The following LRRC7 variants were observed in gnomAD, a reference collection of about 807,000 sequenced individuals.
The protein encoded by LRRC7 is leucine rich repeat containing 7.
In LRRC7, 23 loss-of-function variants were observed where a neutral mutation model predicts 175.7. The observed-to-expected ratio is 0.13, with a 90% CI of 0.09 to 0.19. LRRC7 has a LOEUF of 0.19. LRRC7 is among the 10% of genes least tolerant of loss of function. LRRC7 has a pLI of 1.00. For missense variants in LRRC7, 1,354 were observed against 1,904.7 expected, an observed-to-expected ratio of 0.71 and a Z score of 5.38; for synonymous variants, 685 against 680.9, an observed-to-expected ratio of 1.01 and a Z score of -0.09.
intron 26 of LRRC7, among the ~76,000 whole-genome samples, chr1:70,117,561 G>C (rs1203989683): frequency 6.6e-6 from 1 of 152,052 alleles, no homozygotes; most frequent in East Asian, 1.9e-4. Context: ...TTGTGGCACA[G>C]AAGATATCAA....
chr1:69,785,196 A>G (rs2101039956), intron 3 of LRRC7, among the ~76,000 whole-genome samples: 1 of 152,220 alleles, frequency 6.6e-6, no homozygotes, highest in East Asian at 1.9e-4. Flanking sequence ...AAGATCCATC[A>G]AATGTTCCTT....
At chr1:70,072,841 T>G (rs1293218839) in intron 23 of LRRC7, among the ~76,000 whole-genome samples, 2 of 152,246 alleles carry the variant, frequency 1.3e-5, no homozygotes, top group Non-Finnish European at 2.9e-5. Context: ...ATTAAAGAGC[T>G]GCTAAAGAAA....
chr1:69,760,161 T>G, intron 2 of LRRC7, 30 bp from the exon 3 acceptor site: 1 of 1,604,304 alleles, frequency 6.2e-7, no homozygotes, highest in South Asian at 1.1e-5. Context: ...ATAAGCTGTT[T>G]TGTTTTGTTT....
intron 7 of LRRC7, among the ~76,000 whole-genome samples, chr1:69,866,649 A>G (rs1271018619): frequency 6.6e-6 from 1 of 152,214 alleles, no homozygotes; most frequent in Non-Finnish European, 1.5e-5. Context: ...AATAATAAAA[A>G]TCATAGCAAT....
intron 7 of LRRC7, among the ~76,000 whole-genome samples, chr1:69,859,288 G>A (rs1684100887): frequency 6.6e-6 from 1 of 152,132 alleles, no homozygotes; most frequent in Non-Finnish European, 1.5e-5. Context: ...CAAGTAGAAT[G>A]AAGACTAATT....
At chr1:69,581,920 G>T (rs539092292) in intron 1 of LRRC7, among the ~76,000 whole-genome samples, 1 of 152,254 alleles carries the variant, frequency 6.6e-6, no homozygotes, top group Non-Finnish European at 1.5e-5. Context: ...CATTGATAGT[G>T]TTTGTTTTAA....
At chr1:69,974,009 T>C (rs960548010) in intron 8 of LRRC7, among the ~76,000 whole-genome samples, 2 of 152,232 alleles carry the variant, frequency 1.3e-5, no homozygotes, top group African/African-American at 4.8e-5. Context: ...AAATTACTTC[T>C]TTGAATTTGG....
intron 7 of LRRC7, among the ~76,000 whole-genome samples, chr1:69,893,526 C>A (rs1205688857): frequency 6.6e-6 from 1 of 151,810 alleles, no homozygotes; most frequent in African/African-American, 2.4e-5. Flanking sequence ...ATATTTTTTT[C>A]TTGAAAAAGT....
intron 18 of LRRC7, chr1:70,030,990 A>G (rs1364715580): frequency 6.6e-6 from 1 of 152,226 alleles, no homozygotes; most frequent in African/African-American, 2.4e-5. Flanking sequence ...TTATATGGCT[A>G]GCACTTCCTC....
At chr1:69,664,387 G>A (rs193232619) in intron 1 of LRRC7, among the ~76,000 whole-genome samples, 27 of 152,254 alleles carry the variant, frequency 1.8e-4, no homozygotes, top group African/African-American at 6.3e-4. Flanking sequence ...CTTCCAAACT[G>A]TTCTCCATAG....
intron 4 of LRRC7, among the ~76,000 whole-genome samples, chr1:69,793,376 C>T (rs1305027662): frequency 4.6e-5 from 7 of 152,062 alleles, no homozygotes; most frequent in African/African-American, 1.7e-4. Flanking sequence ...TTGTGAAAGG[C>T]CATCAGAAAA....
intron 8 of LRRC7, among the ~76,000 whole-genome samples, chr1:69,949,141 A>G (rs1649656258): frequency 1.3e-5 from 2 of 151,884 alleles, no homozygotes; most frequent in Non-Finnish European, 2.9e-5. Context: ...TAATAAAGAA[A>G]AAAAAAAAAG....
At chr1:70,106,960 A>T (rs1665187794) in intron 25 of LRRC7, among the ~76,000 whole-genome samples, 7 of 152,214 alleles carry the variant, frequency 4.6e-5, no homozygotes, top group Admixed American at 4.6e-4. Context: ...ACTTGTCACA[A>T]TGTTTATAAT....
chr1:69,864,569 A>G (rs556901374), intron 7 of LRRC7, among the ~76,000 whole-genome samples: 1 of 152,332 alleles, frequency 6.6e-6, no homozygotes, highest in South Asian at 2.1e-4. Flanking sequence ...GTTAATGTTA[A>G]GAAGAGAACA....
At chr1:69,973,355 G>C (rs1652465869) in intron 8 of LRRC7, among the ~76,000 whole-genome samples, 1 of 151,340 alleles carries the variant, frequency 6.6e-6, no homozygotes, top group South Asian at 2.1e-4. Flanking sequence ...TTGGGTGATG[G>C]GTGCACCAAA....
At chr1:70,034,448 GCTTTA>G (rs1335289491) in intron 18 of LRRC7, among the ~76,000 whole-genome samples, 1 of 152,110 alleles carries the variant, frequency 6.6e-6, no homozygotes, top group Admixed American at 6.6e-5. Flanking sequence ...TGAAAAATGA[GCTTTA>G]CTTAGGATAG....
chr1:69,585,942 G>A lies in LRRC7; in HGVS notation c.2+17301G>A, dbSNP rs142438272. On this transcript the variant is annotated intron_variant, in intron 1 of 26. Coordinates refer to ENST00000651989, the MANE Select transcript of LRRC7 (RefSeq NM_001370785.2). ...CTTTTGCTTCTTTTATGTCATAGACGAAATCAGCTACTAAAAATCTGGCTT... is the reference window on the plus strand; with the variant it reads ...CTTTTGCTTCTTTTATGTCATAGACAAAATCAGCTACTAAAAATCTGGCTT... Among the ~76,000 whole-genome samples, 1,098 of 152,156 alleles carry A rather than the reference G, an allele frequency of 7.2e-3. 11 individuals are homozygous for A. The highest frequency in any genetic ancestry group is 0.025 in the African/African-American group (1,029 of 41,522).
chr1:69,840,761 A>G (rs908525163), intron 7 of LRRC7, among the ~76,000 whole-genome samples: 1 of 152,098 alleles, frequency 6.6e-6, no homozygotes, highest in Non-Finnish European at 1.5e-5. Flanking sequence ...TTTGCCTAAA[A>G]CTCATTGAAA....
At chr1:69,861,733 C>T (rs142645176) in intron 7 of LRRC7, among the ~76,000 whole-genome samples, 593 of 152,222 alleles carry the variant, frequency 3.9e-3, no homozygotes, top group Admixed American at 8.8e-3. Context: ...CTAGAATAGC[C>T]GTGACAGAAA....
Sources: allele counts gnomAD v4.1 joint callset (sites outside exome capture counted in the v4.1 genomes callset), GRCh38; gene constraint gnomAD v4.1.1; transcripts MANE v1.5; gene names NCBI Gene and HGNC (gene_info 2026-07-23, HGNC 2026-07-21).